The following DNAH12 variants were observed in gnomAD, a reference collection of about 807,000 sequenced individuals.
DNAH12 encodes the protein dynein axonemal heavy chain 12.
DNAH12 carries 285 observed loss-of-function variants against 371.5 expected under a neutral mutation model. The observed-to-expected ratio is 0.77, with a 90% CI of 0.70 to 0.85. DNAH12 has a LOEUF of 0.85. DNAH12 is among the 40% of genes least tolerant of loss of function. DNAH12 has a pLI of 0.00. For missense variants in DNAH12, 3,611 were observed against 3,689.4 expected, an observed-to-expected ratio of 0.98 and a Z score of 0.55; for synonymous variants, 1,200 against 1,213.0, an observed-to-expected ratio of 0.99 and a Z score of 0.22.
Position 57,429,706 on chromosome 3 carries a change from G to C in DNAH12, c.5049C>G (p.Asp1683Glu). ...PQMSLIFETM[D>E]LSQASPATVS... ...ATGAACTTACGGATGCCTGGGAAAGGTCCATTGTTTCAAAGATGAGGCTCA... is the reference window on the plus strand; with the variant it reads ...ATGAACTTACGGATGCCTGGGAAAGCTCCATTGTTTCAAAGATGAGGCTCA... The change falls in exon 33 of 74, where the codon GAC (aspartate) becomes GAG (glutamate). Residue 1683 changes from aspartate (D) to glutamate (E), a missense_variant. This residue lies in a region of DNAH12 where 2,266 missense variants were observed against 2,236.9 expected (regional missense o/e 1.01). Transcript: ENST00000495027. The C allele has an allele frequency of 3.9e-6, 6 of 1,536,666 alleles. No homozygotes were observed. Among genetic ancestry groups the C allele is most frequent in the Non-Finnish European group, 3.5e-6 (4 of 1,141,742 alleles).
intron 43 of DNAH12, among the ~76,000 whole-genome samples, chr3:57,400,785 C>T (rs1049186924): frequency 1.1e-4 from 16 of 152,214 alleles, no homozygotes; most frequent in African/African-American, 3.9e-4. Flanking sequence ...GACTTGAATA[C>T]CCCACTTTCA....
At chr3:57,414,048 T>C (rs1164851154) in intron 38 of DNAH12, 136 bp from the exon 39 acceptor site, 2 of 807,408 alleles carry the variant, frequency 2.5e-6, no homozygotes, top group Non-Finnish European at 3.8e-6. Context: ...TAACAATTAC[T>C]ATTTGCTTAA....
At chr3:57,448,605 A>T (rs1014672609) in intron 25 of DNAH12, among the ~76,000 whole-genome samples, 2 of 152,230 alleles carry the variant, frequency 1.3e-5, no homozygotes, top group Admixed American at 6.5e-5. Flanking sequence ...CGTGGAATAG[A>T]ACCCGACCAT....
intron 60 of DNAH12, 125 bp downstream of exon 60, chr3:57,351,960 G>T: frequency 1.0e-6 from 1 of 977,922 alleles, no homozygotes; most frequent in Non-Finnish European, 1.4e-6. Flanking sequence ...TCAGTGAAAT[G>T]CACAAGTAAA....
At chr3:57,373,709 G>A (rs914505212) in intron 55 of DNAH12, among the ~76,000 whole-genome samples, 11 of 152,194 alleles carry the variant, frequency 7.2e-5, no homozygotes, top group African/African-American at 1.9e-4. Flanking sequence ...AGAATTAACC[G>A]ACTCAAGGGT....
chr3:57,334,253 G>A (rs1365482264), intron 62 of DNAH12, among the ~76,000 whole-genome samples: 4 of 152,158 alleles, frequency 2.6e-5, no homozygotes, highest in Non-Finnish European at 5.9e-5. Context: ...AATCCTGGGT[G>A]GGGTGAAATA....
chr3:57,446,724 G>A (rs778056878), intron 25 of DNAH12, 35 bp from the exon 26 acceptor site: 8 of 1,431,400 alleles, frequency 5.6e-6, no homozygotes, highest in South Asian at 1.6e-5. Flanking sequence ...AGAAATCCAT[G>A]CTTAAATTTA....
intron 69 of DNAH12, among the ~76,000 whole-genome samples, chr3:57,302,559 A>ATTTTTTTTTTTTT (rs1436244232): frequency 1.6e-5 from 1 of 61,372 alleles, no homozygotes; most frequent in African/African-American, 5.4e-5. Context: ...ATATATATAT[A>ATTTTTTTTTTTTT]TATATGTATT....
At chr3:57,330,309 A>C (rs1180191629) in intron 62 of DNAH12, among the ~76,000 whole-genome samples, 8 of 151,738 alleles carry the variant, frequency 5.3e-5, no homozygotes, top group Non-Finnish European at 1.2e-4. Context: ...ACTTGGAACC[A>C]ACCCAAATGT....
intron 34 of DNAH12, 90 bp from the exon 35 acceptor site, chr3:57,425,231 T>G: frequency 1.6e-6 from 1 of 643,306 alleles, no homozygotes; most frequent in African/African-American, 1.8e-5. Flanking sequence ...GATAAAAGCA[T>G]ACATGGTTTT....
chr3:57,302,557 A>ATGGTTTTTTTT (rs1559535398), intron 69 of DNAH12, among the ~76,000 whole-genome samples: 1 of 58,522 alleles, frequency 1.7e-5, no homozygotes, highest in African/African-American at 5.0e-5. Flanking sequence ...ATATATATAT[A>ATGGTTTTTTTT]TATATATGTA....
intron 68 of DNAH12, 89 bp downstream of exon 68, chr3:57,309,577 C>G: frequency 1.6e-6 from 2 of 1,232,648 alleles, no homozygotes; most frequent in South Asian, 4.4e-5. Context: ...TGCTCAAGAT[C>G]ATAATGCTAG....
Position 57,361,545 on chromosome 3 carries a change from C to T in DNAH12, c.9360+2049G>A, listed in dbSNP as rs1002925336. Among the ~76,000 whole-genome samples the T allele has an allele frequency of 9.8e-3, 1,462 of 148,566 alleles. 24 individuals are homozygous for T. The highest frequency in any genetic ancestry group is 0.034 in the African/African-American group (1,376 of 39,892). ...TAAACTATTTGCCTCTCTTCCTCTA[C>T]CTGCCACCCTCAACTCTTATACCTG... On this transcript the variant is annotated intron_variant, in intron 58 of 73. Coordinates refer to ENST00000495027, the MANE Select transcript of DNAH12 (RefSeq NM_001366028.2).
intron 37 of DNAH12, among the ~76,000 whole-genome samples, chr3:57,419,053 T>C (rs916283980): frequency 1.3e-5 from 2 of 152,226 alleles, no homozygotes; most frequent in Non-Finnish European, 2.9e-5. Context: ...AGGAGTACGC[T>C]GAATCTTTAA....
intron 39 of DNAH12, among the ~76,000 whole-genome samples, chr3:57,411,979 A>G (rs2064221107): frequency 6.6e-6 from 1 of 152,228 alleles, no homozygotes; most frequent in African/African-American, 2.4e-5. Flanking sequence ...AAGCAGACAA[A>G]TAGGTCAATG....
intron 11 of DNAH12, among the ~76,000 whole-genome samples, chr3:57,499,652 A>C (rs1286757558): frequency 2.6e-5 from 1 of 38,188 alleles, no homozygotes; most frequent in African/African-American, 9.7e-5. Flanking sequence ...AAAAAAATAT[A>C]TATATATATA....
intron 11 of DNAH12, among the ~76,000 whole-genome samples, chr3:57,500,628 C>T: frequency 6.6e-6 from 1 of 152,192 alleles, no homozygotes; most frequent in East Asian, 1.9e-4. Flanking sequence ...CATTTCACTT[C>T]TTGCATAATC....
intron 35 of DNAH12, among the ~76,000 whole-genome samples, chr3:57,424,679 G>C (rs1230685571): frequency 6.6e-6 from 1 of 151,762 alleles, no homozygotes. Flanking sequence ...GGGAGGCTGA[G>C]GGAGGAGAAT....
rs956111419 is a variant in DNAH12, at chr3:57,294,040, T to C, written c.11693-69A>G. ...ACAGCCATTGGTACGAAAAGAACTATTTATCTTGTAATAAAATGGCCAGAA... is the reference window on the plus strand; with the variant it reads ...ACAGCCATTGGTACGAAAAGAACTACTTATCTTGTAATAAAATGGCCAGAA... On this transcript the variant is annotated intron_variant, in intron 73 of 73. Transcript: ENST00000495027. The C allele has an allele frequency of 1.1e-5, 14 of 1,309,502 alleles. No homozygotes were observed. In the African/African-American group the frequency reaches 1.6e-4, roughly 15 times the overall value. The allele number at this position is 1,309,502 out of a possible 1,614,324, so 81.1% of individuals were successfully genotyped here.
Sources: gnomAD v4.1 joint callset for allele counts (sites outside exome capture counted in the v4.1 genomes callset) on GRCh38, gnomAD v4.1.1 for gene constraint, gnomAD v4.1.1 regional missense constraint, MANE v1.5 for transcripts, NCBI Gene and HGNC (gene_info 2026-07-23, HGNC 2026-07-21) for gene names.